LARGE1: variants seen among roughly 807,000 people sequenced by gnomAD.
LARGE1 encodes the protein LARGE xylosyl- and glucuronyltransferase 1, also known as xylosyl- and glucuronyltransferase LARGE1.
Under a neutral mutation model 87.6 loss-of-function variants are expected in LARGE1, and 43 were observed. The ratio of observed to expected loss-of-function variants is 0.49; its 90% CI spans 0.38 to 0.63. LARGE1 has a LOEUF of 0.63. Ranked by LOEUF, LARGE1 falls within the 30% of genes least tolerant of loss-of-function variation. The pLI is 0.00. For missense variants in LARGE1, 802 were observed against 1,000.2 expected, an observed-to-expected ratio of 0.80 and a Z score of 2.67; for synonymous variants, 434 against 394.6, an observed-to-expected ratio of 1.10 and a Z score of -1.18.
chr22:33,304,171 G>C, intron 12 of LARGE1, 58 bp downstream of exon 12: 1 of 1,591,750 alleles, frequency 6.3e-7, no homozygotes, highest in Non-Finnish European at 8.6e-7. Flanking sequence ...TTTGGTCCTG[G>C]CACTGCATGG....
At chr22:33,565,678 G>C (rs2078002384) in intron 5 of LARGE1, among the ~76,000 whole-genome samples, 1 of 152,140 alleles carries the variant, frequency 6.6e-6, no homozygotes, top group African/African-American at 2.4e-5. Flanking sequence ...AGTCAAGGAG[G>C]ACCTAGTCAT....
intron 6 of LARGE1, among the ~76,000 whole-genome samples, chr22:33,451,070 C>G (rs968065038): frequency 7.2e-5 from 11 of 152,198 alleles, no homozygotes; most frequent in African/African-American, 2.4e-4. Flanking sequence ...AGAATTCTCC[C>G]TTAGCAAGCC....
chr22:33,275,072 A>G (rs1928949905), intron 14 of LARGE1, among the ~76,000 whole-genome samples: 1 of 151,888 alleles, frequency 6.6e-6, no homozygotes, highest in African/African-American at 2.4e-5. Context: ...ATGCGATCTG[A>G]CAGTCTCAAC....
chr22:33,264,889 C>CTTT (rs200074908), intron 11 of LARGE1, among the ~76,000 whole-genome samples: 1,850 of 74,388 alleles, frequency 0.025, 41 homozygotes, highest in Non-Finnish European at 0.028. Flanking sequence ...TGATCAAATT[C>CTTT]TTTTTTTTTT....
At chr22:33,609,255 C>T (rs1034283720) in intron 4 of LARGE1, among the ~76,000 whole-genome samples, 18 of 152,306 alleles carry the variant, frequency 1.2e-4, no homozygotes, top group Admixed American at 2.6e-4. Flanking sequence ...AACATGGATG[C>T]GCCGCTGTGC....
intron 7 of LARGE1, among the ~76,000 whole-genome samples, chr22:33,430,179 T>C (rs1044765166): frequency 8.5e-5 from 13 of 152,226 alleles, no homozygotes; most frequent in African/African-American, 3.1e-4. Flanking sequence ...CAGCCTTCGA[T>C]GCTCCAATCT....
chr22:33,752,142 A>G (rs995258703), intron 2 of LARGE1, among the ~76,000 whole-genome samples: 49 of 152,092 alleles, frequency 3.2e-4, no homozygotes, highest in African/African-American at 1.1e-3. Context: ...TGCTATTATA[A>G]ATAACGCTGA....
chr22:33,606,473 G>T (rs2079266868), intron 4 of LARGE1, among the ~76,000 whole-genome samples: 1 of 149,558 alleles, frequency 6.7e-6, no homozygotes, highest in Admixed American at 6.6e-5. Flanking sequence ...AGACTTCAGG[G>T]AGGTGTGGGG....
intron 2 of LARGE1, among the ~76,000 whole-genome samples, chr22:33,683,212 G>C (rs189108086): frequency 6.6e-6 from 1 of 152,316 alleles, no homozygotes; most frequent in Admixed American, 6.5e-5. Context: ...TTGGTAGAAT[G>C]AATAAAGAAG....
At chr22:33,101,663 C>A in the LARGE1 span, among the ~76,000 whole-genome samples, 1 of 152,134 alleles carries the variant, frequency 6.6e-6, no homozygotes, top group Non-Finnish European at 1.5e-5. Context: ...TCAGATGGCA[C>A]ACATTTCTAT....
At chr22:33,411,714 G>A (rs1405418675) in intron 7 of LARGE1, among the ~76,000 whole-genome samples, 1 of 152,058 alleles carries the variant, frequency 6.6e-6, no homozygotes, top group Admixed American at 6.6e-5. Context: ...TTATAATTGA[G>A]GGGAAAACCT....
intron 1 of LARGE1, among the ~76,000 whole-genome samples, chr22:33,916,872 T>C (rs2065802838): frequency 6.6e-6 from 1 of 152,202 alleles, no homozygotes; most frequent in South Asian, 2.1e-4. Context: ...CAATGGCAAA[T>C]GCGATGGTAT....
chr22:33,860,733 G>A (rs530471766), intron 1 of LARGE1, among the ~76,000 whole-genome samples: 35 of 152,324 alleles, frequency 2.3e-4, no homozygotes, highest in South Asian at 1.7e-3. Context: ...CCAGGGCAAA[G>A]CGGGGGCAAG....
chr22:33,599,368 G>C (rs1304395177), intron 5 of LARGE1, among the ~76,000 whole-genome samples: 1 of 150,418 alleles, frequency 6.6e-6, no homozygotes, highest in Non-Finnish European at 1.5e-5. Flanking sequence ...GCAAAAATAA[G>C]TTTTCCTCCT....
At chr22:33,356,287 T>C (rs1940881174) in intron 9 of LARGE1, among the ~76,000 whole-genome samples, 1 of 152,186 alleles carries the variant, frequency 6.6e-6, no homozygotes, top group Non-Finnish European at 1.5e-5. Flanking sequence ...AAAAAATGGA[T>C]GAGTGCTGAG....
intron 11 of LARGE1, among the ~76,000 whole-genome samples, chr22:33,200,672 T>C (rs1602083394): frequency 1.3e-5 from 2 of 152,318 alleles, no homozygotes; most frequent in African/African-American, 2.4e-5. Flanking sequence ...TGGATGAAAT[T>C]TGAAGACATT....
intron 12 of LARGE1, among the ~76,000 whole-genome samples, chr22:33,298,942 C>T (rs1434220950): frequency 6.6e-6 from 1 of 151,554 alleles, no homozygotes; most frequent in African/African-American, 2.4e-5. Flanking sequence ...GAAGCAGTGG[C>T]TCTTGCCTGT....
intron 1 of LARGE1, among the ~76,000 whole-genome samples, chr22:33,832,630 C>T (rs2063003964): frequency 6.6e-6 from 1 of 152,242 alleles, no homozygotes; most frequent in Admixed American, 6.5e-5. Flanking sequence ...AATCAGCTGA[C>T]TGTACCCACT....
At chr22:33,592,592 G>C (rs935883516) in intron 5 of LARGE1, among the ~76,000 whole-genome samples, 34 of 152,086 alleles carry the variant, frequency 2.2e-4, no homozygotes, top group African/African-American at 7.7e-4. Context: ...CTTATTATTT[G>C]CGTATGTTCT....
Sources: allele counts gnomAD v4.1 joint callset (sites outside exome capture counted in the v4.1 genomes callset), GRCh38; gene constraint gnomAD v4.1.1; transcripts MANE v1.5; gene names NCBI Gene and HGNC (gene_info 2026-07-23, HGNC 2026-07-21).